The following ATP9A variants were observed in gnomAD, a reference collection of about 807,000 sequenced individuals.
The protein encoded by ATP9A is ATPase phospholipid transporting 9A, also known as probable phospholipid-transporting ATPase IIA.
ATP9A carries 52 observed loss-of-function variants against 144.1 expected under a neutral mutation model. The observed-to-expected ratio is 0.36, with a 90% CI of 0.29 to 0.45. ATP9A has a LOEUF of 0.45. Among genes scored for constraint, ATP9A ranks in the 20% least tolerant of loss-of-function variants. The pLI, the probability that ATP9A is intolerant of heterozygous loss-of-function variation, is 1.00. For synonymous variants in ATP9A, 582 were observed against 557.4 expected (o/e 1.04, Z -0.62); for missense variants, 947 against 1,392.7 (o/e 0.68, Z 5.09).
At chr20:51,604,775 A>G in intron 27 of ATP9A, 42 bp downstream of exon 27, 1 of 1,430,322 alleles carries the variant, frequency 7.0e-7, no homozygotes, top group East Asian at 2.7e-5. Flanking sequence ...GGCCAGATTC[A>G]CTGGGGGTGA....
intron 1 of ATP9A, among the ~76,000 whole-genome samples, chr20:51,757,677 G>C (rs1010257329): frequency 6.6e-6 from 1 of 152,168 alleles, no homozygotes; most frequent in African/African-American, 2.4e-5. Flanking sequence ...GGCAGAGGTT[G>C]GCGGACTGCT....
Position 51,604,838 on chromosome 20 carries a change from C to G in ATP9A, c.2986G>C (p.Val996Leu). The G allele has an allele frequency of 6.5e-7, 1 of 1,538,088 alleles. No individual in the cohort carries two copies. Among genetic ancestry groups the G allele is most frequent in the Non-Finnish European group, 8.8e-7 (1 of 1,139,966 alleles). Residue 996 changes from valine (V) to leucine (L), a missense_variant, in exon 27 of 28, where the codon GTG (valine) becomes CTG (leucine). Around this residue, in one of 2 missense-constraint regions of ATP9A, gnomAD observed 177 missense variants for 344.9 expected, o/e 0.51. Coordinates refer to ENST00000338821, the MANE Select transcript of ATP9A (RefSeq NM_006045.3). ...LSLACYIASLVFLHEFIDVYF... is the reference protein window; with the variant it reads ...LSLACYIASLLFLHEFIDVYF... ...TTACCGATGAACTCGTGTAAGAACA[C>G]CAGGGAGGCGATGTAGCAGGCCAGG...
At chr20:51,650,152 A>G (rs1205987432) in intron 14 of ATP9A, among the ~76,000 whole-genome samples, 1 of 152,208 alleles carries the variant, frequency 6.6e-6, no homozygotes, top group African/African-American at 2.4e-5. Context: ...ATGATATTCC[A>G]TGTCCTGGCA....
At chr20:51,658,507 CTATGCTTCCTTTTT>C (rs1459186903) in intron 13 of ATP9A, among the ~76,000 whole-genome samples, 1 of 142,884 alleles carries the variant, frequency 7.0e-6, no homozygotes, top group Admixed American at 7.5e-5. Context: ...CGGGTGCCAC[CTATGCTTCCTTTTT>C]TTTTTTTTTT....
intron 13 of ATP9A, among the ~76,000 whole-genome samples, chr20:51,669,318 G>A (rs570660118): frequency 1.3e-5 from 2 of 152,272 alleles, no homozygotes; most frequent in Admixed American, 1.3e-4. Flanking sequence ...AACACTTTAG[G>A]AATATTAGGA....
intron 9 of ATP9A, among the ~76,000 whole-genome samples, chr20:51,680,971 A>G (rs1469387710): frequency 6.6e-6 from 1 of 152,048 alleles, no homozygotes; most frequent in African/African-American, 2.4e-5. Flanking sequence ...AAAATAACCG[A>G]GCACACAGAG....
chr20:51,684,069 CAGCTACTCAGAA>C (rs1239512374), intron 9 of ATP9A, among the ~76,000 whole-genome samples: 1 of 152,066 alleles, frequency 6.6e-6, no homozygotes, highest in Non-Finnish European at 1.5e-5. Flanking sequence ...CCTATAGTCG[CAGCTACTCAGAA>C]GGCTGAGGTG....
chr20:51,685,710 G>T (rs957011885), intron 9 of ATP9A, among the ~76,000 whole-genome samples: 1 of 152,154 alleles, frequency 6.6e-6, no homozygotes, highest in African/African-American at 2.4e-5. Context: ...AAAAACTCAG[G>T]AAACAGCAGG....
intron 13 of ATP9A, 79 bp from the exon 14 acceptor site, chr20:51,657,229 A>C (rs1462839475): frequency 8.1e-7 from 1 of 1,234,872 alleles, no homozygotes; most frequent in Non-Finnish European, 1.1e-6. Context: ...CCGTGCAGCT[A>C]TTGTTTCTTT....
In ATP9A at chr20:51,762,589, G is replaced by A. The variant is rs2077885665; in HGVS notation, c.68+5713C>T. On this transcript the variant is annotated intron_variant, in intron 1 of 27. Coordinates refer to ENST00000338821, the MANE Select transcript of ATP9A (RefSeq NM_006045.3). ...CATGAGAATCGCTTGAACCCGGGAG[G>A]TGGAGGTTGCAGTGAGTAGAGATCA... 2.0e-5 allele frequency among the ~76,000 whole-genome samples: 3 copies of A among 152,190 alleles called. No individual in the cohort carries two copies. In the South Asian group the frequency reaches 6.2e-4, roughly 32 times the overall value.
intron 1 of ATP9A, among the ~76,000 whole-genome samples, chr20:51,731,177 G>A (rs578154956): frequency 1.1e-4 from 17 of 152,062 alleles, no homozygotes; most frequent in East Asian, 1.9e-4. Context: ...GGTGGCAGGC[G>A]CCTATAATCC....
At chr20:51,648,015 GT>G (rs1237212904) in intron 14 of ATP9A, among the ~76,000 whole-genome samples, 2 of 152,174 alleles carry the variant, frequency 1.3e-5, no homozygotes, top group East Asian at 3.9e-4. Context: ...CCTAACCTCT[GT>G]TCTTTGACCT....
Position 51,675,796 on chromosome 20 carries a change from C to T in ATP9A, c.876+336G>A, listed in dbSNP as rs183203776. 2.0e-5 allele frequency among the ~76,000 whole-genome samples: 3 copies of T among 151,150 alleles called. No individual in the cohort carries two copies. The East Asian group carries it at 5.9e-4, about 30-fold the overall frequency. On this transcript the variant is annotated intron_variant, in intron 10 of 27. Coordinates refer to ENST00000338821, the MANE Select transcript of ATP9A (RefSeq NM_006045.3). The stretch of plus-strand genomic sequence containing the variant: ...TCAGGAGGTGGAGTTGGGAGGATTG[C>T]TTGAGCCCGGGAGGCAGAGGTTACA...
At chr20:51,625,837 C>T (rs1568791193) in intron 17 of ATP9A, among the ~76,000 whole-genome samples, 1 of 152,204 alleles carries the variant, frequency 6.6e-6, no homozygotes, top group Non-Finnish European at 1.5e-5. Context: ...ATCATGTTAG[C>T]AAAAACCTGG....
intron 22 of ATP9A, among the ~76,000 whole-genome samples, chr20:51,615,995 A>G (rs2077201684): frequency 6.6e-6 from 1 of 152,340 alleles, no homozygotes; most frequent in South Asian, 2.1e-4. Flanking sequence ...CAAAGGAACC[A>G]GAATACCATT....
intron 4 of ATP9A, among the ~76,000 whole-genome samples, chr20:51,712,380 T>G (rs180972949): frequency 6.6e-6 from 1 of 152,116 alleles, no homozygotes; most frequent in Non-Finnish European, 1.5e-5. Context: ...GGCCAAAATT[T>G]CAATTTTTTG....
At chr20:51,651,322 A>ATATATATTTACATAATATATTATAT (rs2077365022) in intron 14 of ATP9A, among the ~76,000 whole-genome samples, 1 of 131,676 alleles carries the variant, frequency 7.6e-6, no homozygotes, top group Non-Finnish European at 1.6e-5. Flanking sequence ...ATATTATATA[A>ATATATATTTACATAATATATTATAT]TATATATTTA....
At chr20:51,764,639 G>A (rs1601152567) in intron 1 of ATP9A, among the ~76,000 whole-genome samples, 3 of 151,988 alleles carry the variant, frequency 2.0e-5, no homozygotes, top group South Asian at 4.2e-4. Context: ...GGGTGGATCC[G>A]GTTCAAAACT....
At chr20:51,729,744 A>G in intron 2 of ATP9A, 90 bp downstream of exon 2, 1 of 1,390,756 alleles carries the variant, frequency 7.2e-7, no homozygotes, top group South Asian at 1.7e-5. Context: ...GACTCTGTCT[A>G]AAAAATAACA....
Sources: allele counts gnomAD v4.1 joint callset (sites outside exome capture counted in the v4.1 genomes callset), GRCh38; gene constraint gnomAD v4.1.1; regional missense constraint gnomAD v4.1.1; transcripts MANE v1.5; gene names NCBI Gene and HGNC (gene_info 2026-07-23, HGNC 2026-07-21).